GPC6: variants seen among roughly 807,000 people sequenced by gnomAD.
GPC6 encodes the protein glypican 6.
In GPC6, 14 loss-of-function variants were observed where a neutral mutation model predicts 55.2. The observed-to-expected ratio is 0.25, with a 90% CI of 0.17 to 0.40. The LOEUF is 0.40. Ranked by LOEUF, GPC6 falls within the 10% of genes least tolerant of loss-of-function variation. GPC6 has a pLI of 1.00. For missense variants in GPC6, 641 were observed against 708.5 expected, an observed-to-expected ratio of 0.90 and a Z score of 1.08; for synonymous variants, 278 against 259.6, an observed-to-expected ratio of 1.07 and a Z score of -0.68.
rs112870745 is a variant in GPC6, at chr13:93,674,269, G to T, written c.319+128848G>T. 8.7e-3 allele frequency among the ~76,000 whole-genome samples: 1,327 copies of T among 152,240 alleles called. 36 individuals carry two copies. The highest frequency in any genetic ancestry group is 0.03 in the African/African-American group (1,256 of 41,546). On this transcript the variant is annotated intron_variant, in intron 2 of 8. Coordinates refer to ENST00000377047, the MANE Select transcript of GPC6 (RefSeq NM_005708.5). ...GTGTCATCCCATTATTTCTATAATA[G>T]AATTGTCTCACAGAAGCCCTAAATC...
intron 1 of GPC6, among the ~76,000 whole-genome samples, chr13:93,390,480 A>T (rs2139216902): frequency 6.6e-6 from 1 of 152,278 alleles, no homozygotes; most frequent in East Asian, 1.9e-4. Flanking sequence ...GTGGTGAAGT[A>T]GCTTCTAAGA....
chr13:93,276,821 C>G (rs577291665), intron 1 of GPC6, among the ~76,000 whole-genome samples: 1 of 152,150 alleles, frequency 6.6e-6, no homozygotes, highest in Non-Finnish European at 1.5e-5. Context: ...CGCAGTCCAT[C>G]CTGGAGCTTC....
At chr13:94,219,693 A>G (rs533405247) in intron 4 of GPC6, among the ~76,000 whole-genome samples, 2 of 152,296 alleles carry the variant, frequency 1.3e-5, no homozygotes, top group African/African-American at 4.8e-5. Flanking sequence ...TTGGTCAGCA[A>G]GGAGACAGGA....
intron 2 of GPC6, among the ~76,000 whole-genome samples, chr13:93,598,333 T>C (rs1490317985): frequency 6.6e-6 from 1 of 152,192 alleles, no homozygotes; most frequent in East Asian, 1.9e-4. Flanking sequence ...GGATGTGTCC[T>C]GTTTTCAAAC....
intron 2 of GPC6, among the ~76,000 whole-genome samples, chr13:93,759,804 A>C (rs1241790919): frequency 2.6e-5 from 4 of 152,134 alleles, no homozygotes; most frequent in African/African-American, 9.7e-5. Context: ...CCATTGTGGC[A>C]GAAAGGTAGG....
At chr13:93,817,308 T>C (rs1886887249) in intron 2 of GPC6, among the ~76,000 whole-genome samples, 1 of 152,216 alleles carries the variant, frequency 6.6e-6, no homozygotes, top group Admixed American at 6.5e-5. Context: ...TCTTTAAAAA[T>C]AATTATAAAC....
intron 2 of GPC6, among the ~76,000 whole-genome samples, chr13:93,797,654 A>C (rs1180206881): frequency 6.6e-6 from 1 of 152,216 alleles, no homozygotes; most frequent in Non-Finnish European, 1.5e-5. Context: ...GTCATTTCAT[A>C]AACTTCAGAC....
chr13:93,732,666 T>G (rs1257960104), intron 2 of GPC6, among the ~76,000 whole-genome samples: 1 of 152,180 alleles, frequency 6.6e-6, no homozygotes, highest in African/African-American at 2.4e-5. Context: ...TAAATGTATT[T>G]TAAGAAATTG....
rs78680730 is a variant in GPC6, at chr13:94,075,984, G to A, written c.877+48090G>A. Among the ~76,000 whole-genome samples, 1,196 of 152,056 alleles carry A rather than the reference G, an allele frequency of 7.9e-3. 16 individuals carry two copies. Among genetic ancestry groups the A allele is most frequent in the African/African-American group, 0.027 (1,105 of 41,520 alleles). On this transcript the variant is annotated intron_variant, in intron 4 of 8. Transcript: ENST00000377047. ...TTCTTTTGGACATGTACCTGGAATTGGTGTTGCTGAATTATATGTTAGTTC... is the reference window on the plus strand; with the variant it reads ...TTCTTTTGGACATGTACCTGGAATTAGTGTTGCTGAATTATATGTTAGTTC...
chr13:94,389,551 ACATAGCCATGTTAAACTG>A (rs1315835368), intron 7 of GPC6, among the ~76,000 whole-genome samples: 11 of 152,184 alleles, frequency 7.2e-5, no homozygotes, highest in Non-Finnish European at 1.0e-4. Flanking sequence ...CTTTTTTAGA[ACATAGCCATGTTAAACTG>A]CATCACCTCT....
chr13:94,010,673 C>T (rs9301924), intron 3 of GPC6, among the ~76,000 whole-genome samples: 3,856 of 152,126 alleles, frequency 0.025, 180 homozygotes, highest in African/African-American at 0.088. Context: ...TGGGAATATT[C>T]GTAAATTATA....
intron 1 of GPC6, among the ~76,000 whole-genome samples, chr13:93,544,774 C>A (rs1874687017): frequency 6.6e-6 from 1 of 152,152 alleles, no homozygotes; most frequent in Non-Finnish European, 1.5e-5. Context: ...CCATTAAAAA[C>A]ACACTCACTT....
intron 3 of GPC6, among the ~76,000 whole-genome samples, chr13:93,876,397 G>C (rs1371483387): frequency 6.6e-6 from 1 of 151,912 alleles, no homozygotes; most frequent in East Asian, 1.9e-4. Context: ...CTACAGATAA[G>C]AGCCTACTAA....
chr13:93,321,048 T>C (rs1879420617), intron 1 of GPC6, among the ~76,000 whole-genome samples: 1 of 152,150 alleles, frequency 6.6e-6, no homozygotes, highest in African/African-American at 2.4e-5. Flanking sequence ...CAGGTCAGCA[T>C]CTAGTCTATC....
At chr13:93,336,521 TCTC>T (rs1478125968) in intron 1 of GPC6, among the ~76,000 whole-genome samples, 2 of 152,222 alleles carry the variant, frequency 1.3e-5, no homozygotes, top group Non-Finnish European at 2.9e-5. Context: ...TTTTATCCAT[TCTC>T]CTCCTTCAAG....
At chr13:93,708,370 A>G (rs1300554909) in intron 2 of GPC6, among the ~76,000 whole-genome samples, 1 of 151,812 alleles carries the variant, frequency 6.6e-6, no homozygotes, top group Non-Finnish European at 1.5e-5. Flanking sequence ...GCTGGCAGAG[A>G]ATCACATTTG....
chr13:93,231,378 T>TATAC (rs1348592459), intron 1 of GPC6, among the ~76,000 whole-genome samples: 3 of 20,074 alleles, frequency 1.5e-4, no homozygotes, highest in African/African-American at 2.5e-4. Context: ...TATATATATA[T>TATAC]ACATATATAT....
At chr13:94,123,161 T>G (rs1886694823) in intron 4 of GPC6, among the ~76,000 whole-genome samples, 1 of 152,096 alleles carries the variant, frequency 6.6e-6, no homozygotes, top group Admixed American at 6.6e-5. Context: ...GACAAAATAC[T>G]ATTAGTAAAT....
chr13:94,371,882 A>G (rs1277937315), intron 6 of GPC6, among the ~76,000 whole-genome samples: 1 of 152,208 alleles, frequency 6.6e-6, no homozygotes, highest in Non-Finnish European at 1.5e-5. Context: ...AAGCAAGGAC[A>G]GTCTCCTATA....
Sources: gnomAD v4.1 joint callset for allele counts (sites outside exome capture counted in the v4.1 genomes callset) on GRCh38, gnomAD v4.1.1 for gene constraint, MANE v1.5 for transcripts, NCBI Gene and HGNC (gene_info 2026-07-23, HGNC 2026-07-21) for gene names.